SPATA17: variants seen among roughly 807,000 people sequenced by gnomAD.
SPATA17 encodes the protein spermatogenesis associated 17, also known as spermatogenesis-associated protein 17.
Under a neutral mutation model 62.2 loss-of-function variants are expected in SPATA17, and 53 were observed. The observed-to-expected ratio is 0.85, with a 90% CI of 0.68 to 1.07. The LOEUF (loss-of-function observed/expected upper bound fraction) is 1.07, where lower values mean the gene tolerates loss of function less well. SPATA17 is among the 50% of genes least tolerant of loss of function. The probability of loss-of-function intolerance (pLI) is 0.00; values close to 1 mark genes in which losing one functional copy is unlikely to be tolerated. For synonymous variants in SPATA17, 146 were observed against 146.8 expected, an observed-to-expected ratio of 0.99 and a Z score of 0.04; for missense variants, 466 against 425.5, an observed-to-expected ratio of 1.10 and a Z score of -0.84.
chr1:217,847,781 G>A (rs574928324), intron 9 of SPATA17, among the ~76,000 whole-genome samples: 4 of 152,224 alleles, frequency 2.6e-5, no homozygotes, highest in African/African-American at 9.6e-5. Context: ...CCAGGTGCCT[G>A]TAATTCCAGC....
At chr1:217,825,207 T>C (rs1271831609) in intron 9 of SPATA17, among the ~76,000 whole-genome samples, 1 of 151,658 alleles carries the variant, frequency 6.6e-6, no homozygotes, top group Non-Finnish European at 1.5e-5. Context: ...ATAGTGGCTG[T>C]CTCTAATTAA....
At chr1:217,647,575 A>G (rs754113013) in intron 1 of SPATA17, among the ~76,000 whole-genome samples, 1 of 152,202 alleles carries the variant, frequency 6.6e-6, no homozygotes, top group African/African-American at 2.4e-5. Flanking sequence ...AATATTATGA[A>G]GCTATCAGAG....
At chr1:217,678,404 T>G (rs1442290117) in intron 4 of SPATA17, among the ~76,000 whole-genome samples, 1 of 151,798 alleles carries the variant, frequency 6.6e-6, no homozygotes, top group Non-Finnish European at 1.5e-5. Flanking sequence ...GAGATGGGGA[T>G]TCACCATGTT....
intron 9 of SPATA17, among the ~76,000 whole-genome samples, chr1:217,832,524 G>A (rs1301564749): frequency 6.6e-6 from 1 of 152,070 alleles, no homozygotes; most frequent in Non-Finnish European, 1.5e-5. Flanking sequence ...AGCATTTGGT[G>A]TTCTATGATG....
chr1:217,656,628 A>T (rs1289533059), intron 3 of SPATA17, among the ~76,000 whole-genome samples: 1 of 152,184 alleles, frequency 6.6e-6, no homozygotes, highest in Non-Finnish European at 1.5e-5. Context: ...ATAAGGCATG[A>T]AACAGAATCA....
intron 9 of SPATA17, among the ~76,000 whole-genome samples, chr1:217,844,435 G>A (rs180768313): frequency 5.3e-5 from 8 of 152,128 alleles, no homozygotes; most frequent in African/African-American, 7.2e-5. Context: ...TCGTGGGACT[G>A]GAGTCCCAAG....
At chr1:217,680,411 C>A (rs551344005) in intron 4 of SPATA17, among the ~76,000 whole-genome samples, 2 of 152,194 alleles carry the variant, frequency 1.3e-5, no homozygotes, top group South Asian at 4.1e-4. Context: ...ATTGATTCTT[C>A]TTTTTCATTA....
chr1:217,775,206 T>C (rs1407688716), intron 7 of SPATA17, among the ~76,000 whole-genome samples: 2 of 152,236 alleles, frequency 1.3e-5, no homozygotes, highest in Non-Finnish European at 2.9e-5. Flanking sequence ...TCTTTTTATG[T>C]GCCTATTGGC....
At chr1:217,746,069 T>G (rs1011506880) in intron 6 of SPATA17, among the ~76,000 whole-genome samples, 14 of 152,050 alleles carry the variant, frequency 9.2e-5, no homozygotes, top group African/African-American at 3.1e-4. Context: ...TTTCATTGCT[T>G]GTTTTAAGAT....
At chr1:217,786,756 CTT>C (rs1491115836) in intron 8 of SPATA17, among the ~76,000 whole-genome samples, 15 of 101,010 alleles carry the variant, frequency 1.5e-4, no homozygotes, top group African/African-American at 6.5e-4. Context: ...TCTCTTTCTT[CTT>C]CTTCTTCTTC....
chr1:217,790,865 G>T (rs945589929), intron 8 of SPATA17, among the ~76,000 whole-genome samples: 6 of 152,200 alleles, frequency 3.9e-5, no homozygotes, highest in African/African-American at 1.2e-4. Context: ...ATTTTACAAT[G>T]TGGCATACAC....
intron 7 of SPATA17, 34 bp from the exon 8 acceptor site, chr1:217,782,140 C>T (rs752866233): frequency 6.5e-7 from 1 of 1,534,412 alleles, no homozygotes; most frequent in Admixed American, 2.2e-5. Flanking sequence ...AAAAATCTTC[C>T]ATATAAAATA....
At position 217,782,189 on chromosome 1, in the gene SPATA17, A is replaced by G. The variant is rs1311099288; in HGVS notation, c.739A>G (p.Ile247Val). ...RKQCQGPFRD[I>V]TEVLEQRYRP... The stretch of plus-strand genomic sequence containing the variant: ...GTCTTGTCAGGGGCCCTTCCGAGAT[A>G]TCACCGAAGTATTAGAACAACGCTA... The change falls in exon 8 of 11, where the codon ATC (isoleucine) becomes GTC (valine). Residue 247 changes from isoleucine (I) to valine (V), a missense_variant. By Grantham distance (29) the Ile-to-Val change is conservative. Coordinates refer to ENST00000366933, the MANE Select transcript of SPATA17 (RefSeq NM_138796.4). 2 of 1,596,782 alleles carry G rather than the reference A, an allele frequency of 1.3e-6. No individual in the cohort carries two copies. Among genetic ancestry groups the G allele is most frequent in the South Asian group, 1.1e-5 (1 of 87,842 alleles).
chr1:217,714,487 T>C (rs946496622), intron 5 of SPATA17, among the ~76,000 whole-genome samples: 2 of 141,652 alleles, frequency 1.4e-5, no homozygotes, highest in Admixed American at 1.4e-4. Context: ...AAAACGTGTT[T>C]CTTTTTTTTT....
intron 1 of SPATA17, among the ~76,000 whole-genome samples, chr1:217,648,195 G>A (rs1479960453): frequency 1.3e-5 from 2 of 152,006 alleles, no homozygotes; most frequent in Non-Finnish European, 2.9e-5. Flanking sequence ...TTCATTATCA[G>A]GTAATGCAAC....
rs1676105331 is a variant in SPATA17, at chr1:217,870,333, AGTGT to A, written c.*3315_*3318del. ...TGAATGCTTAAGGCTCTTTATCGCTAGTGTATGTAAGTAATATCATTGTCCTTAA... is the reference window on the plus strand; with the variant it reads ...TGAATGCTTAAGGCTCTTTATCGCTAATGTAAGTAATATCATTGTCCTTAA... On this transcript the variant is annotated 3_prime_UTR_variant, in exon 11 of 11. Transcript: ENST00000366933. 6.6e-6 allele frequency: 1 copy of A among 152,144 alleles called. No homozygotes were observed. Among genetic ancestry groups the A allele is most frequent in the South Asian group, 2.1e-4 (1 of 4,832 alleles). The allele number at this position is 152,144 out of a possible 1,614,324, so 9.4% of individuals were successfully genotyped here. A position where few individuals can be genotyped will look rare whatever the true frequency, so the allele number is the denominator to read the frequency against.
intron 5 of SPATA17, among the ~76,000 whole-genome samples, chr1:217,737,139 A>C (rs1672527494): frequency 1.3e-5 from 2 of 152,216 alleles, no homozygotes; most frequent in Admixed American, 1.3e-4. Context: ...TTCAAATTCT[A>C]ACTCTGTCAC....
chr1:217,661,126 A>C (rs931523429), intron 3 of SPATA17, among the ~76,000 whole-genome samples: 2 of 152,154 alleles, frequency 1.3e-5, no homozygotes, highest in African/African-American at 2.4e-5. Flanking sequence ...ATCCATAGTT[A>C]TAAGATGACA....
At chr1:217,829,767 C>T (rs979297818) in intron 9 of SPATA17, among the ~76,000 whole-genome samples, 22 of 149,468 alleles carry the variant, frequency 1.5e-4, no homozygotes, top group Non-Finnish European at 7.4e-5. Context: ...ATTGGGGTGG[C>T]GAGAGAAATA....
Sources: allele counts gnomAD v4.1 joint callset (sites outside exome capture counted in the v4.1 genomes callset), GRCh38; gene constraint gnomAD v4.1.1; transcripts MANE v1.5; gene names NCBI Gene and HGNC (gene_info 2026-07-23, HGNC 2026-07-21).